The following ASB13 variants were observed in gnomAD, a reference collection of about 807,000 sequenced individuals.
The protein encoded by ASB13 is ankyrin repeat and SOCS box protein 13.
Under a neutral mutation model 28.8 loss-of-function variants are expected in ASB13, and 33 were observed. The observed-to-expected ratio is 1.15, with a 90% CI of 0.87 to 1.53. The LOEUF is 1.53. Among genes scored for constraint, ASB13 ranks in the 40% most tolerant of loss-of-function variants. The pLI is 0.00. For synonymous variants in ASB13, 182 were observed against 172.9 expected, an observed-to-expected ratio of 1.05 and a Z score of -0.41; for missense variants, 414 against 390.1, an observed-to-expected ratio of 1.06 and a Z score of -0.52.
chr10:5,660,805 CTGAT>C lies in ASB13; in HGVS notation c.43+5700_43+5703del, dbSNP rs1835147489. On this transcript the variant is annotated intron_variant, in intron 1 of 5. Transcript: ENST00000357700. The surrounding 1 kb of genome is among the most constrained non-coding windows in gnomAD (Gnocchi z 6.1). ...CTCAATCCTTACCTAAGTCGGGTGA[CTGAT>C]TGAGTCTCTGCCCAATTTTTCTGCT... 6.6e-6 allele frequency among the ~76,000 whole-genome samples: 1 copy of C among 152,138 alleles called. No homozygotes were observed. The highest frequency in any genetic ancestry group is 6.5e-5 in the Admixed American group (1 of 15,272).
intron 1 of ASB13, among the ~76,000 whole-genome samples, chr10:5,662,393 C>T (rs903472641): frequency 6.6e-6 from 1 of 151,544 alleles, no homozygotes; most frequent in African/African-American, 2.4e-5. Context: ...GTGGCATGCA[C>T]CTGTAATCCC....
Position 5,657,507 on chromosome 10 carries a change from C to CA in ASB13, c.44-4458dup, listed in dbSNP as rs1288371386. Among the ~76,000 whole-genome samples, 9 of 151,844 alleles carry CA rather than the reference C, an allele frequency of 5.9e-5. No homozygotes were observed. The South Asian group carries it at 6.3e-4, about 11-fold the overall frequency. ...ACTACCTCACACCTGTTAGGATTAT[C>CA]AAAAAAAACCAAATACGTGTTGGCG... On this transcript the variant is annotated intron_variant, in intron 1 of 5. Coordinates refer to ENST00000357700, the MANE Select transcript of ASB13 (RefSeq NM_024701.4).
In ASB13 at chr10:5,655,104, A is replaced by T. The variant is rs889641356; in HGVS notation, c.44-2054T>A. Among the ~76,000 whole-genome samples the T allele has an allele frequency of 7.3e-5, 10 of 136,558 alleles. No homozygotes were observed. In the South Asian group the frequency reaches 1.1e-3, roughly 16 times the overall value. The allele number at this position is 136,558 out of a possible 152,430, so 89.6% of individuals were successfully genotyped here. On this transcript the variant is annotated intron_variant, in intron 1 of 5. Coordinates refer to ENST00000357700, the MANE Select transcript of ASB13 (RefSeq NM_024701.4). This position sits in a 1 kb window ranked among gnomAD's most constrained non-coding sequence, Gnocchi z 6.2. ...GCAACAAGAGTGAAACTCTGTCTTTAAAAAAAAAAAAAAAGTGTCTGCATC... is the reference window on the plus strand; with the variant it reads ...GCAACAAGAGTGAAACTCTGTCTTTTAAAAAAAAAAAAAAGTGTCTGCATC...
rs1397378378 is a variant in ASB13, at chr10:5,642,023, TC to T, written c.518-63del. Reference sequence around the variant, plus strand: ...AGAGAACTTGAAGTCAGGGGGACAATCAGGTCCGTTTCGTCACACAGCACGG... The same window carrying T: ...AGAGAACTTGAAGTCAGGGGGACAATAGGTCCGTTTCGTCACACAGCACGG... On this transcript the variant is annotated intron_variant, in intron 4 of 5. Coordinates refer to ENST00000357700, the MANE Select transcript of ASB13 (RefSeq NM_024701.4). This position sits in a 1 kb window ranked among gnomAD's most constrained non-coding sequence, Gnocchi z 4.1. 2.6e-6 allele frequency: 4 copies of T among 1,527,856 alleles called. No individual in the cohort carries two copies. Among genetic ancestry groups the T allele is most frequent in the Non-Finnish European group, 3.6e-6 (4 of 1,116,906 alleles). The allele number at this position is 1,527,856 out of a possible 1,614,324, so 94.6% of individuals were successfully genotyped here.
intron 4 of ASB13, among the ~76,000 whole-genome samples, chr10:5,646,486 C>G (rs1009548232): frequency 3.2e-4 from 49 of 152,158 alleles, no homozygotes; most frequent in African/African-American, 1.1e-3. Flanking sequence ...ACTGCAGCCC[C>G]GTGACCTTGC....
In ASB13 at chr10:5,649,110, G is replaced by A; in HGVS notation, c.383-6C>T. 3 of 1,614,112 alleles carry A rather than the reference G, an allele frequency of 1.9e-6. No homozygotes were observed. The highest frequency in any genetic ancestry group is 1.6e-4 in the Middle Eastern group (1 of 6,062). ...CCTCACACATTCGGAACTCCCTTAA[G>A]ATAAATGGAAAAGGGGGGGAATGTC... is the stretch of plus-strand genomic sequence containing the variant. On this transcript the variant is annotated splice_region_variant and splice_polypyrimidine_tract_variant and intron_variant, in intron 3 of 5. Transcript: ENST00000357700. This position sits in a 1 kb window ranked among gnomAD's most constrained non-coding sequence, Gnocchi z 6.4.
chr10:5,651,808 C>A lies in ASB13; in HGVS notation c.232-445G>T, dbSNP rs1455335015. 6.6e-6 allele frequency among the ~76,000 whole-genome samples: 1 copy of A among 151,490 alleles called. No individual in the cohort carries two copies. The highest frequency in any genetic ancestry group is 2.4e-5 in the African/African-American group (1 of 41,088). ...CTTGAGCTCAGGAGTTCAAGACCAG[C>A]CTGGGCAACATGGCGAAACCCTGTC... On this transcript the variant is annotated intron_variant, in intron 2 of 5. Transcript: ENST00000357700. This position sits in a 1 kb window ranked among gnomAD's most constrained non-coding sequence, Gnocchi z 5.1.
At chr10:5,646,722 C>T (rs1287221636) in intron 4 of ASB13, among the ~76,000 whole-genome samples, 1 of 152,092 alleles carries the variant, frequency 6.6e-6, no homozygotes, top group Non-Finnish European at 1.5e-5. Context: ...ACATGAAGTC[C>T]TAACTGATAC....
Position 5,649,768 on chromosome 10 carries a change from C to A in ASB13, c.383-664G>T, listed in dbSNP as rs1253848557. On this transcript the variant is annotated intron_variant, in intron 3 of 5. Transcript: ENST00000357700. The surrounding 1 kb of genome is among the most constrained non-coding windows in gnomAD (Gnocchi z 6.4). ...CTCAAACTCCTGACCTCAGGTGATC[C>A]GCCCACCTCAGCCTCCCAAAGTGCT... Among the ~76,000 whole-genome samples the A allele has an allele frequency of 1.3e-5, 2 of 152,064 alleles. No homozygotes were observed. Among genetic ancestry groups the A allele is most frequent in the African/African-American group, 4.8e-5 (2 of 41,394 alleles).
rs1254917838 is a variant in ASB13 at position 5,649,356 on chromosome 10, T to C, written c.383-252A>G. 1.3e-5 allele frequency among the ~76,000 whole-genome samples: 2 copies of C among 152,058 alleles called. No homozygotes were observed. The highest frequency in any genetic ancestry group is 2.9e-5 in the Non-Finnish European group (2 of 67,990). On this transcript the variant is annotated intron_variant, in intron 3 of 5. Transcript: ENST00000357700. The surrounding 1 kb of genome is among the most constrained non-coding windows in gnomAD (Gnocchi z 6.4). ...AACGGGCCTGGCCGGCTTCTTGCTG[T>C]GAGAACAGAAGACATGGGGCACCAC... is the stretch of plus-strand genomic sequence containing the variant.
At position 5,650,493 on chromosome 10, in the gene ASB13, AC is replaced by A. The variant is rs1164864498; in HGVS notation, c.382+719del. On this transcript the variant is annotated intron_variant, in intron 3 of 5. Transcript: ENST00000357700. The surrounding 1 kb of genome is among the most constrained non-coding windows in gnomAD (Gnocchi z 6.0). ...GAAGGGCACATACCCCATACCCTGC[AC>A]CCCAGATGTGCATCCAAAGACAAAG... Among the ~76,000 whole-genome samples, 1 of 152,184 alleles carries A rather than the reference AC, an allele frequency of 6.6e-6. No individual in the cohort carries two copies. The highest frequency in any genetic ancestry group is 1.5e-5 in the Non-Finnish European group (1 of 68,032).
chr10:5,640,400 T>G lies in ASB13; in HGVS notation c.*303A>C. 3.5e-6 allele frequency: 1 copy of G among 287,856 alleles called. No individual in the cohort carries two copies. The highest frequency in any genetic ancestry group is 6.7e-6 in the Non-Finnish European group (1 of 149,990). 17.8% of individuals were successfully genotyped at this position (287,856 alleles called of 1,614,324 possible). A position where few individuals can be genotyped will look rare whatever the true frequency, so the allele number is the denominator to read the frequency against. On this transcript the variant is annotated 3_prime_UTR_variant, in exon 6 of 6. Transcript: ENST00000357700. ...CCACGCCGTCTGTCCTGAGAGTGCCTTTGAGGATGGTCCGTAAAAGAGGAA... is the reference window on the plus strand; with the variant it reads ...CCACGCCGTCTGTCCTGAGAGTGCCGTTGAGGATGGTCCGTAAAAGAGGAA...
Position 5,649,362 on chromosome 10 carries a change from C to G in ASB13, c.383-258G>C, listed in dbSNP as rs1834948979. 6.6e-6 allele frequency among the ~76,000 whole-genome samples: 1 copy of G among 152,170 alleles called. No homozygotes were observed. Among genetic ancestry groups the G allele is most frequent in the African/African-American group, 2.4e-5 (1 of 41,436 alleles). On this transcript the variant is annotated intron_variant, in intron 3 of 5. Coordinates refer to ENST00000357700, the MANE Select transcript of ASB13 (RefSeq NM_024701.4). This position sits in a 1 kb window ranked among gnomAD's most constrained non-coding sequence, Gnocchi z 6.4. ...CCTGGCCGGCTTCTTGCTGTGAGAA[C>G]AGAAGACATGGGGCACCACCTAGAA...
At position 5,638,879 on chromosome 10, in the gene ASB13, C is replaced by T. The variant is rs2386649; in HGVS notation, c.*1824G>A. Reference sequence around the variant, plus strand: ...GTGAACACAGGGATGCACTTTATTCCGCCACTTTTATTGAGCAACAGCCGT... The same window carrying T: ...GTGAACACAGGGATGCACTTTATTCTGCCACTTTTATTGAGCAACAGCCGT... On this transcript the variant is annotated 3_prime_UTR_variant, in exon 6 of 6. Coordinates refer to ENST00000357700, the MANE Select transcript of ASB13 (RefSeq NM_024701.4). The T allele has an allele frequency of 0.22, 32,941 of 152,112 alleles. 3,948 individuals are homozygous for T. Among genetic ancestry groups the T allele is most frequent in the East Asian group, 0.45 (2,342 of 5,160 alleles). The allele number at this position is 152,112 out of a possible 1,614,324, so 9.4% of individuals were successfully genotyped here. A position where few individuals can be genotyped will look rare whatever the true frequency, so the allele number is the denominator to read the frequency against.
In ASB13 at chr10:5,652,902, C is replaced by G. The variant is rs1355403373; in HGVS notation, c.192G>C (p.Gln64His). The G allele has an allele frequency of 2.5e-6, 4 of 1,583,420 alleles. No homozygotes were observed. Among genetic ancestry groups the G allele is most frequent in the African/African-American group, 2.7e-5 (2 of 74,580 alleles). ...TPLHAASLQGQARCVQLLLAA... is the reference protein window; with the variant it reads ...TPLHAASLQGHARCVQLLLAA... ...CCAGCAGCAGCTGCACACACCGCGC[C>G]TGGCCCTGCAGACTGGCTGCGTGCA... The change falls in exon 2 of 6, where the codon CAG becomes CAC. Residue 64 changes from glutamine to histidine, a missense_variant. By Grantham distance (24) the Gln-to-His change is conservative. Transcript: ENST00000357700. This position sits in a 1 kb window ranked among gnomAD's most constrained non-coding sequence, Gnocchi z 5.0.
In ASB13 at chr10:5,641,822, A is replaced by T. The variant is rs751558793; in HGVS notation, c.657T>A (p.Ser219=). The T allele has an allele frequency of 5.0e-6, 8 of 1,612,490 alleles. No individual in the cohort carries two copies. In the East Asian group the frequency reaches 1.8e-4, roughly 36 times the overall value. The change falls in exon 5 of 6, where the codon TCT becomes TCA. Residue 219 remains serine, a synonymous_variant. Coordinates refer to ENST00000357700, the MANE Select transcript of ASB13 (RefSeq NM_024701.4). This position sits in a 1 kb window ranked among gnomAD's most constrained non-coding sequence, Gnocchi z 8.4. ...YARDNRGKKP[S]DYTWSSSAPA... ...GAGCGCTGCTGCTCCACGTGTAGTC[A>T]GACGGCTTCTTCCCGCGGTTGTCCC... is the stretch of plus-strand genomic sequence containing the variant.
At position 5,664,584 on chromosome 10, in the gene ASB13, C is replaced by T. The variant is rs775726309; in HGVS notation, c.43+1925G>A. Among the ~76,000 whole-genome samples the T allele has an allele frequency of 2.6e-5, 4 of 151,940 alleles. No homozygotes were observed. The highest frequency in any genetic ancestry group is 2.1e-4 in the South Asian group (1 of 4,790). On this transcript the variant is annotated intron_variant, in intron 1 of 5. Coordinates refer to ENST00000357700, the MANE Select transcript of ASB13 (RefSeq NM_024701.4). The surrounding 1 kb of genome is among the most constrained non-coding windows in gnomAD (Gnocchi z 4.2). ...TTCTACTGGAGGACCCTGGGGGGAA[C>T]GTACGGGGGAGTGGGGGAGCAGCCA...
In ASB13 at chr10:5,652,787, C is replaced by G; in HGVS notation, c.231+76G>C. 1 of 1,418,578 alleles carries G rather than the reference C, an allele frequency of 7.0e-7. No individual in the cohort carries two copies. The highest frequency in any genetic ancestry group is 9.3e-7 in the Non-Finnish European group (1 of 1,075,028). The allele number at this position is 1,418,578 out of a possible 1,614,324, so 87.9% of individuals were successfully genotyped here. ...GCAGCCCCCATCCTCCCCTCTTTCCCAAGTTCTCCTGAGTCAACCTCCTCC... is the reference window on the plus strand; with the variant it reads ...GCAGCCCCCATCCTCCCCTCTTTCCGAAGTTCTCCTGAGTCAACCTCCTCC... On this transcript the variant is annotated intron_variant, in intron 2 of 5. Coordinates refer to ENST00000357700, the MANE Select transcript of ASB13 (RefSeq NM_024701.4). This position sits in a 1 kb window ranked among gnomAD's most constrained non-coding sequence, Gnocchi z 5.0.
At chr10:5,648,821 C>T (rs1262408177) in intron 4 of ASB13, 149 bp downstream of exon 4, 8 of 1,451,640 alleles carry the variant, frequency 5.5e-6, no homozygotes, top group Admixed American at 2.0e-5. Flanking sequence ...TAAACACCCA[C>T]GCGGGCAAAC....
Sources: allele counts gnomAD v4.1 joint callset (sites outside exome capture counted in the v4.1 genomes callset), GRCh38; gene constraint gnomAD v4.1.1; non-coding constraint Gnocchi (gnomAD v3.1); transcripts MANE v1.5; gene names NCBI Gene and HGNC (gene_info 2026-07-23, HGNC 2026-07-21).